CDH4: variants seen among roughly 807,000 people sequenced by gnomAD.
CDH4 encodes the protein cadherin-4.
A neutral mutation model predicts 86.0 loss-of-function variants in CDH4; 33 were observed. The observed-to-expected ratio is 0.38, with a 90% CI of 0.29 to 0.51. The LOEUF is 0.51. Among genes scored for constraint, CDH4 ranks in the 20% least tolerant of loss-of-function variants. The probability of loss-of-function intolerance (pLI) is 0.86; values close to 1 mark genes in which losing one functional copy is unlikely to be tolerated. For synonymous variants in CDH4, 555 were observed against 549.4 expected (o/e 1.01, Z -0.14); for missense variants, 1,114 against 1,307.4 (o/e 0.85, Z 2.28).
At chr20:61,572,776 C>T (rs2086350860) in intron 2 of CDH4, among the ~76,000 whole-genome samples, 2 of 152,218 alleles carry the variant, frequency 1.3e-5, no homozygotes, top group African/African-American at 4.8e-5. Context: ...GAGGAATATG[C>T]AGCCCCAAGG....
At chr20:61,674,436 G>A (rs114133599) in intron 2 of CDH4, among the ~76,000 whole-genome samples, 3,044 of 152,258 alleles carry the variant, frequency 0.02, 112 homozygotes, top group African/African-American at 0.069. Context: ...GGCCTTTCGT[G>A]CAGACAATGG....
intron 2 of CDH4, among the ~76,000 whole-genome samples, chr20:61,654,847 AAGGGGCTGTGC>A (rs2087169500): frequency 6.6e-6 from 1 of 152,196 alleles, no homozygotes; most frequent in South Asian, 2.1e-4. Context: ...GCAGCCCGGG[AAGGGGCTGTGC>A]AGGGCCAGCT....
At position 61,544,751 on chromosome 20, in the gene CDH4, A is replaced by G. The variant is rs964579253; in HGVS notation, c.170-198812A>G. ...AGAAAGTTGTAAAACCACCTGAATG[A>G]ATTGGCTTGGTCCATGGACTGGAAG... On this transcript the variant is annotated intron_variant, in intron 2 of 15. Transcript: ENST00000614565. This position sits in a 1 kb window ranked among gnomAD's most constrained non-coding sequence, Gnocchi z 6.5. 5.3e-5 allele frequency among the ~76,000 whole-genome samples: 8 copies of G among 152,062 alleles called. No homozygotes were observed. The highest frequency in any genetic ancestry group is 1.7e-4 in the African/African-American group (7 of 41,400).
intron 4 of CDH4, among the ~76,000 whole-genome samples, chr20:61,835,886 C>G (rs1981849587): frequency 6.6e-6 from 1 of 152,220 alleles, no homozygotes; most frequent in East Asian, 1.9e-4. Context: ...GCTCCCCAGA[C>G]AGCACCAGGT....
At chr20:61,813,258 C>A (rs1056052730) in intron 4 of CDH4, among the ~76,000 whole-genome samples, 5 of 152,138 alleles carry the variant, frequency 3.3e-5, no homozygotes, top group African/African-American at 9.7e-5. Context: ...AGCTTCGGGC[C>A]GGGATCTCCC....
intron 2 of CDH4, among the ~76,000 whole-genome samples, chr20:61,677,071 T>A (rs1283766553): frequency 2.0e-5 from 3 of 152,138 alleles, no homozygotes; most frequent in Admixed American, 2.0e-4. Flanking sequence ...TTGTCACCTG[T>A]CATGAGGACC....
chr20:61,594,081 G>A (rs1295523713), intron 2 of CDH4, among the ~76,000 whole-genome samples: 1 of 96,862 alleles, frequency 1.0e-5, no homozygotes, highest in Non-Finnish European at 2.2e-5. Context: ...TTGGGGAAGG[G>A]TGTGGGAACT....
intron 2 of CDH4, among the ~76,000 whole-genome samples, chr20:61,677,695 A>ACGGACG (rs1436401996): frequency 6.9e-6 from 1 of 145,700 alleles, no homozygotes; most frequent in Non-Finnish European, 1.5e-5. Context: ...ACGGACGGAC[A>ACGGACG]GACGGACGGA....
rs1035627137 is a variant in CDH4 at position 61,708,309 on chromosome 20, C to T, written c.170-35254C>T. Among the ~76,000 whole-genome samples, 13 of 151,998 alleles carry T rather than the reference C, an allele frequency of 8.6e-5. No individual in the cohort carries two copies. Among genetic ancestry groups the T allele is most frequent in the African/African-American group, 2.9e-4 (12 of 41,382 alleles). Reference sequence around the variant, plus strand: ...AAGCACCCCGCTGACTCAGACTCCCCGCCCCCCGCCTACCCCCAGCAGCTT... The same window carrying T: ...AAGCACCCCGCTGACTCAGACTCCCTGCCCCCCGCCTACCCCCAGCAGCTT... On this transcript the variant is annotated intron_variant, in intron 2 of 15. Coordinates refer to ENST00000614565, the MANE Select transcript of CDH4 (RefSeq NM_001794.5). This position sits in a 1 kb window ranked among gnomAD's most constrained non-coding sequence, Gnocchi z 4.5.
rs140116700 is a variant in CDH4, at chr20:61,465,066, G to C, written c.169+210129G>C. 4.3e-4 allele frequency among the ~76,000 whole-genome samples: 65 copies of C among 152,310 alleles called. No individual in the cohort carries two copies. The East Asian group carries it at 0.012, about 27-fold the overall frequency. ...GTCTTATATGCCTTCACATTTAAAA[G>C]ATGTGTTTGAACATCCCAGGTGACC... On this transcript the variant is annotated intron_variant, in intron 2 of 15. Coordinates refer to ENST00000614565, the MANE Select transcript of CDH4 (RefSeq NM_001794.5).
chr20:61,569,147 C>T (rs1028380140), intron 2 of CDH4, among the ~76,000 whole-genome samples: 2 of 152,152 alleles, frequency 1.3e-5, no homozygotes, highest in South Asian at 2.1e-4. Context: ...TGGCCTTCCC[C>T]GAACCTTGGT....
intron 2 of CDH4, among the ~76,000 whole-genome samples, chr20:61,463,102 C>G (rs946325924): frequency 6.6e-6 from 1 of 152,172 alleles, no homozygotes; most frequent in African/African-American, 2.4e-5. Context: ...TCTCCCTGCA[C>G]AAACTCTCTC....
chr20:61,744,381 A>T (rs1006899269), intron 3 of CDH4, among the ~76,000 whole-genome samples: 2 of 147,782 alleles, frequency 1.4e-5, no homozygotes, highest in African/African-American at 5.0e-5. Context: ...AGGGAGAGAG[A>T]GAAGGAGGGA....
At chr20:61,695,275 C>G (rs1382902509) in intron 2 of CDH4, among the ~76,000 whole-genome samples, 2 of 152,254 alleles carry the variant, frequency 1.3e-5, no homozygotes, top group African/African-American at 2.4e-5. Context: ...AGGCCAGTTG[C>G]CCGCAGAGGC....
At chr20:61,774,069 TG>T (rs1257366133) in intron 4 of CDH4, among the ~76,000 whole-genome samples, 1 of 152,216 alleles carries the variant, frequency 6.6e-6, no homozygotes, top group Non-Finnish European at 1.5e-5. Context: ...GCAGAAACTC[TG>T]GCATGAGTGA....
At chr20:61,256,325 G>A (rs376606866) in intron 2 of CDH4, among the ~76,000 whole-genome samples, 1 of 152,200 alleles carries the variant, frequency 6.6e-6, no homozygotes, top group African/African-American at 2.4e-5. Context: ...GGCCAAATAT[G>A]ATAAGACCTT....
chr20:61,897,187 T>C (rs537720069), intron 8 of CDH4, among the ~76,000 whole-genome samples: 5 of 152,038 alleles, frequency 3.3e-5, no homozygotes, highest in South Asian at 2.1e-4. Flanking sequence ...CTCTGAGACG[T>C]TGGGGGGCAG....
chr20:61,658,222 T>C (rs2087213117), intron 2 of CDH4, among the ~76,000 whole-genome samples: 1 of 151,482 alleles, frequency 6.6e-6, no homozygotes, highest in South Asian at 2.1e-4. Context: ...CCCTTCCAAG[T>C]TCCAGATCTC....
intron 2 of CDH4, among the ~76,000 whole-genome samples, chr20:61,627,792 TC>T (rs1420728005): frequency 6.6e-6 from 1 of 151,906 alleles, no homozygotes; most frequent in African/African-American, 2.4e-5. Context: ...GGAGGGTGGG[TC>T]CCTGCCCGCT....
Sources: allele counts gnomAD v4.1 joint callset (sites outside exome capture counted in the v4.1 genomes callset), GRCh38; gene constraint gnomAD v4.1.1; non-coding constraint Gnocchi (gnomAD v3.1); transcripts MANE v1.5; gene names NCBI Gene and HGNC (gene_info 2026-07-23, HGNC 2026-07-21).